The following HNRNPH1 variants were observed in gnomAD, a reference collection of about 807,000 sequenced individuals.
HNRNPH1 encodes the protein heterogeneous nuclear ribonucleoprotein H.
A neutral mutation model predicts 58.6 loss-of-function variants in HNRNPH1; 4 were observed. That is an observed-to-expected ratio of 0.07 (90% CI 0.03 to 0.16). The LOEUF is 0.16. Among genes scored for constraint, HNRNPH1 ranks in the 10% least tolerant of loss-of-function variants. The pLI is 1.00. For missense variants in HNRNPH1, 271 were observed against 564.2 expected (o/e 0.48, Z 5.26); for synonymous variants, 192 against 189.2 (o/e 1.01, Z -0.12).
At position 179,632,851 on chromosome 5, in the gene HNRNPH1, A is replaced by ATTT. The variant is rs56128695; in HGVS notation, c.-32+1211_-32+1213dup. Among the ~76,000 whole-genome samples the ATTT allele has an allele frequency of 4.4e-3, 253 of 57,562 alleles. 31 individuals are homozygous for ATTT. The highest frequency in any genetic ancestry group is 0.019 in the South Asian group (22 of 1,166). The allele number at this position is 57,562 out of a possible 152,430, so 37.8% of individuals were successfully genotyped here. A position where few individuals can be genotyped will look rare whatever the true frequency, so the allele number is the denominator to read the frequency against. On this transcript the variant is annotated intron_variant, in intron 2 of 4. Coordinates refer to the HNRNPH1 transcript ENST00000521116. Reference sequence around the variant, plus strand: ...ATTACAGCCCCACCAAGCCCGGCGAATTTTTTTTTTTTTTTTTTTTTTTTT... The same window carrying ATTT: ...ATTACAGCCCCACCAAGCCCGGCGAATTTTTTTTTTTTTTTTTTTTTTTTTTTT...
intron 7 of HNRNPH1, 44 bp downstream of exon 8, chr5:179,617,755 C>G: frequency 1.9e-6 from 3 of 1,609,826 alleles, no homozygotes; most frequent in Non-Finnish European, 2.6e-6. Context: ...GGCTGACTTA[C>G]TGCCATACTG....
exon 13 of HNRNPH1, chr5:179,614,681 A>T (rs1045647388): frequency 1.8e-6 from 1 of 541,716 alleles, no homozygotes; most frequent in South Asian, 2.4e-5. Flanking sequence ...TGTATTCAAA[A>T]ATACTGGGCC....
At position 179,632,233 on chromosome 5, in the gene HNRNPH1, G is replaced by T. The variant is rs546066371; in HGVS notation, c.-32+1832C>A. Among the ~76,000 whole-genome samples the T allele has an allele frequency of 5.9e-5, 9 of 151,958 alleles. No homozygotes were observed. The South Asian group carries it at 1.7e-3, about 28-fold the overall frequency. On this transcript the variant is annotated intron_variant, in intron 2 of 4. Coordinates refer to the HNRNPH1 transcript ENST00000521116. ...TGAGGCAGGAGAATGGCGTGAACCCGGGAGGCGGAGCTTGCAGTGAGCCAA... is the reference window on the plus strand; with the variant it reads ...TGAGGCAGGAGAATGGCGTGAACCCTGGAGGCGGAGCTTGCAGTGAGCCAA...
At chr5:179,615,070 T>A in intron 12 of HNRNPH1, 111 bp from the exon 14 acceptor site, 1 of 708,720 alleles carries the variant, frequency 1.4e-6, no homozygotes, top group Non-Finnish European at 2.5e-6. Context: ...ATGGCTGCTG[T>A]CCAAGTGGCG....
Position 179,621,233 on chromosome 5 carries a change from A to G in HNRNPH1, c.253+9T>C, listed in dbSNP as rs1469957110. 1 of 1,612,210 alleles carries G rather than the reference A, an allele frequency of 6.2e-7. No homozygotes were observed. The highest frequency in any genetic ancestry group is 8.5e-7 in the Non-Finnish European group (1 of 1,178,396). ...TTATTTACTGTAACTAGGGCAATGTAAATCAAACCTTCAACATATCTGTGT... is the reference window on the plus strand; with the variant it reads ...TTATTTACTGTAACTAGGGCAATGTGAATCAAACCTTCAACATATCTGTGT... On this transcript the variant is annotated intron_variant, in intron 2 of 12. Transcript: ENST00000356731.
chr5:179,622,509 G>C lies in HNRNPH1; in HGVS notation c.97+528C>G, dbSNP rs376726950. Among the ~76,000 whole-genome samples, 4 of 152,204 alleles carry C rather than the reference G, an allele frequency of 2.6e-5. No individual in the cohort carries two copies. The South Asian group carries it at 6.2e-4, about 24-fold the overall frequency. ...GCGGATCACTTGAGGTCAGATGTTC[G>C]AGACCAGCCTGGCCAAAATAGTGAA... On this transcript the variant is annotated intron_variant, in intron 1 of 12. Transcript: ENST00000356731.
At chr5:179,614,258 G>A (rs1266012114) in exon 13 of HNRNPH1, 6 of 151,778 alleles carry the variant, frequency 4.0e-5, no homozygotes, top group Admixed American at 3.9e-4. Context: ...TACAATGAAA[G>A]ATTTAAATCA....
intron 3 of HNRNPH1, chr5:179,620,108 CAA>C (rs1305125148): frequency 6.6e-6 from 1 of 152,126 alleles, no homozygotes. Context: ...AGTGTCAAAA[CAA>C]AACAGACTTG....
At chr5:179,631,577 C>A (rs1244546052) in intron 2 of HNRNPH1, among the ~76,000 whole-genome samples, 1 of 152,136 alleles carries the variant, frequency 6.6e-6, no homozygotes, top group Non-Finnish European at 1.5e-5. Flanking sequence ...GAAACCCCGC[C>A]TCTATTAAAA....
chr5:179,631,178 T>G (rs151291438), intron 2 of HNRNPH1, among the ~76,000 whole-genome samples: 13,154 of 152,134 alleles, frequency 0.086, 640 homozygotes, highest in Middle Eastern at 0.12. Context: ...AATGGTTTGT[T>G]GCCTTCCAAA....
At chr5:179,616,909 A>G in exon 10 of HNRNPH1, 3 of 1,614,132 alleles carry the variant, frequency 1.9e-6, no homozygotes. Context: ...CATAAGCACC[A>G]CCGCTTGCTC....
intron 4 of HNRNPH1, 106 bp downstream of exon 5, chr5:179,619,163 T>TAC: frequency 1.0e-6 from 1 of 964,410 alleles, no homozygotes; most frequent in Non-Finnish European, 1.5e-6. Context: ...AAACATCAAT[T>TAC]ACCTAGGACT....
chr5:179,616,912 G>A (rs754332565), exon 10 of HNRNPH1: 3 of 1,613,858 alleles, frequency 1.9e-6, no homozygotes, highest in African/African-American at 2.7e-5. Flanking sequence ...AAGCACCACC[G>A]CTTGCTCCTG....
At chr5:179,632,055 C>T (rs1363190304) in intron 2 of HNRNPH1, among the ~76,000 whole-genome samples, 2 of 151,542 alleles carry the variant, frequency 1.3e-5, no homozygotes, top group Non-Finnish European at 3.0e-5. Context: ...GCCTGTAATC[C>T]CAGCACTTTG....
At chr5:179,629,296 C>CA (rs375223570), upstream of HNRNPH1, 68,093 of 138,452 alleles carry the variant, frequency 0.49, 16,611 homozygotes, top group Non-Finnish European at 0.53. Flanking sequence ...GACTCCGTCT[C>CA]AAAAAAAAAA....
exon 11 of HNRNPH1, chr5:179,616,139 G>T: frequency 6.2e-7 from 1 of 1,613,602 alleles, no homozygotes. Flanking sequence ...ATCCACTCAT[G>T]CTGCTCTGGC....
At chr5:179,615,963 T>C (rs779020943) in intron 11 of HNRNPH1, 163 bp downstream of exon 12, 7 of 614,650 alleles carry the variant, frequency 1.1e-5, no homozygotes, top group Non-Finnish European at 2.1e-5. Flanking sequence ...ATACATTTCA[T>C]AACCCAATTT....
upstream of HNRNPH1, among the ~76,000 whole-genome samples, chr5:179,625,963 A>ATTTATTTATTTT (rs1562362082): frequency 6.6e-6 from 1 of 150,930 alleles, no homozygotes; most frequent in African/African-American, 2.4e-5. Context: ...TTATTTATTT[A>ATTTATTTATTTT]TTTTTTGTAG....
intron 3 of HNRNPH1, chr5:179,620,685 A>G: frequency 1.8e-6 from 1 of 559,934 alleles, no homozygotes; most frequent in South Asian, 2.2e-5. Flanking sequence ...AATACTAAAT[A>G]TAGGCAAAGT....
Sources: gnomAD v4.1 joint callset for allele counts (sites outside exome capture counted in the v4.1 genomes callset) on GRCh38, gnomAD v4.1.1 for gene constraint, MANE v1.5 for transcripts, NCBI Gene and HGNC (gene_info 2026-07-23, HGNC 2026-07-21) for gene names.